Variants in TET3 observed in about 807,000 individuals in gnomAD.
TET3 encodes the protein methylcytosine dioxygenase TET3.
A neutral mutation model predicts 141.4 loss-of-function variants in TET3; 19 were observed. The ratio of observed to expected loss-of-function variants is 0.13; its 90% CI spans 0.09 to 0.20. The LOEUF (loss-of-function observed/expected upper bound fraction) is 0.20, where lower values mean the gene tolerates loss of function less well. Among genes scored for constraint, TET3 ranks in the 10% least tolerant of loss-of-function variants. The probability of loss-of-function intolerance (pLI) is 1.00; values close to 1 mark genes in which losing one functional copy is unlikely to be tolerated. For synonymous variants in TET3, 1,043 were observed against 980.9 expected, an observed-to-expected ratio of 1.06 and a Z score of -1.18; for missense variants, 1,874 against 2,356.9, an observed-to-expected ratio of 0.80 and a Z score of 4.24.
chr2:74,048,098 C>A lies in TET3; in HGVS notation c.2181C>A (p.Pro727=). The A allele has an allele frequency of 6.2e-7, 1 of 1,613,556 alleles. No homozygotes were observed. The highest frequency in any genetic ancestry group is 8.5e-7 in the Non-Finnish European group (1 of 1,179,722). The change falls in exon 4 of 12, where the codon CCC becomes CCA. Residue 727 remains proline, a synonymous_variant. Coordinates refer to ENST00000409262, the MANE Select transcript of TET3 (RefSeq NM_001287491.2). The part of the protein sequence containing the change: ...EFGDSFGLPG[P]PSVPIQDPEN... Reference sequence around the variant, plus strand: ...GAGATAGCTTTGGGCTTCCCGGCCCCCCTTCTGTGCCCATTCAGGACCCCG... The same window carrying A: ...GAGATAGCTTTGGGCTTCCCGGCCCACCTTCTGTGCCCATTCAGGACCCCG...
chr2:73,992,154 A>G (rs1035808725), intron 2 of TET3, among the ~76,000 whole-genome samples: 10 of 152,106 alleles, frequency 6.6e-5, no homozygotes, highest in Non-Finnish European at 1.5e-5. Context: ...CTAGGGATGG[A>G]GAGAGTGGAC....
At chr2:73,990,834 G>A (rs1200532607) in intron 2 of TET3, among the ~76,000 whole-genome samples, 5 of 152,220 alleles carry the variant, frequency 3.3e-5, no homozygotes, top group African/African-American at 1.2e-4. Context: ...TGAAGATGGA[G>A]GCTGTGGAGA....
Position 74,104,923 on chromosome 2 carries a change from T to G in TET3, c.*2747T>G, listed in dbSNP as rs1691417681. ...CGTTTCCAGAGTTAGGCGGTGTGGT[T>G]GCCGTGCTCAAGCCCATGCTGATTT... On this transcript the variant is annotated 3_prime_UTR_variant, in exon 12 of 12. Coordinates refer to ENST00000409262, the MANE Select transcript of TET3 (RefSeq NM_001287491.2). 5.5e-6 allele frequency: 2 copies of G among 363,172 alleles called. No individual in the cohort carries two copies. Among genetic ancestry groups the G allele is most frequent in the Non-Finnish European group, 9.8e-6 (2 of 204,566 alleles). 22.5% of individuals were successfully genotyped at this position (363,172 alleles called of 1,614,324 possible).
intron 5 of TET3, among the ~76,000 whole-genome samples, chr2:74,077,766 T>C (rs73951135): frequency 0.012 from 1,869 of 152,278 alleles, 37 homozygotes; most frequent in African/African-American, 0.042. Flanking sequence ...GGTGGCAGTG[T>C]CCTCAGCTCA....
chr2:74,063,738 A>G (rs955260957), intron 4 of TET3, among the ~76,000 whole-genome samples: 1 of 152,118 alleles, frequency 6.6e-6, no homozygotes, highest in Non-Finnish European at 1.5e-5. Context: ...CATACTAAAC[A>G]TACCATATTG....
intron 4 of TET3, among the ~76,000 whole-genome samples, chr2:74,065,084 CA>C (rs1299084869): frequency 6.6e-6 from 1 of 152,092 alleles, no homozygotes; most frequent in East Asian, 1.9e-4. Flanking sequence ...TCCATCTAAG[CA>C]AGTCTAAAAG....
In TET3 at chr2:74,101,975, G is replaced by T; in HGVS notation, c.5187G>T (p.Arg1729=). Residue 1729 remains arginine, a synonymous_variant, in exon 12 of 12, where the codon CGG becomes CGT. Coordinates refer to ENST00000409262, the MANE Select transcript of TET3 (RefSeq NM_001287491.2). The surrounding 1 kb of genome is among the most constrained non-coding windows in gnomAD (Gnocchi z 8.5). ...GGGCACGGCAGGAGGAGGCTGCCCGGCTGGGCCTGGGCCAGCAGGAGGCCA... is the reference window on the plus strand; with the variant it reads ...GGGCACGGCAGGAGGAGGCTGCCCGTCTGGGCCTGGGCCAGCAGGAGGCCA... The part of the protein sequence containing the change: ...RARARQEEAA[R]LGLGQQEAKL... The T allele has an allele frequency of 6.2e-7, 1 of 1,607,002 alleles. No individual in the cohort carries two copies. The highest frequency in any genetic ancestry group is 8.5e-7 in the Non-Finnish European group (1 of 1,175,332).
intron 5 of TET3, 44 bp downstream of exon 5, chr2:74,073,683 A>G (rs1186639065): frequency 6.7e-7 from 1 of 1,485,380 alleles, no homozygotes; most frequent in East Asian, 2.3e-5. Context: ...ATGTGCTGTT[A>G]ATGGAATACG....
At chr2:74,017,095 A>G (rs1301617858) in intron 3 of TET3, among the ~76,000 whole-genome samples, 2 of 152,134 alleles carry the variant, frequency 1.3e-5, no homozygotes, top group East Asian at 1.9e-4. Context: ...AGACCAGCCT[A>G]TGCAACAAAG....
At chr2:74,091,950 T>C (rs1413503093) in intron 8 of TET3, among the ~76,000 whole-genome samples, 1 of 152,258 alleles carries the variant, frequency 6.6e-6, no homozygotes, top group Non-Finnish European at 1.5e-5. Context: ...GAGCCACGTG[T>C]AGCTGCTGAG....
At chr2:74,088,852 G>T (rs1027850174) in intron 7 of TET3, among the ~76,000 whole-genome samples, 4 of 152,124 alleles carry the variant, frequency 2.6e-5, no homozygotes, top group African/African-American at 7.2e-5. Context: ...AGGCCAAGGC[G>T]GGTGGATCGC....
rs182394491 is a variant in TET3 at position 74,026,804 on chromosome 2, G to A, written c.361-19474G>A. Among the ~76,000 whole-genome samples, 116 of 149,614 alleles carry A rather than the reference G, an allele frequency of 7.8e-4. 1 individual carries two copies. Among genetic ancestry groups the A allele is most frequent in the African/African-American group, 2.8e-3 (110 of 39,290 alleles). ...TTCTAGTTATCTGTGACTCTACCCA[G>A]GGAATCAGCTGGTTTTAAGTCAGTG... On this transcript the variant is annotated intron_variant, in intron 3 of 11. Coordinates refer to ENST00000409262, the MANE Select transcript of TET3 (RefSeq NM_001287491.2).
intron 3 of TET3, among the ~76,000 whole-genome samples, chr2:74,032,521 G>A (rs1686807779): frequency 8.2e-6 from 1 of 121,394 alleles, no homozygotes; most frequent in African/African-American, 3.5e-5. Flanking sequence ...GGGGAGTTGA[G>A]GCCCTTGCTG....
chr2:74,094,410 A>C (rs779927559), intron 10 of TET3, among the ~76,000 whole-genome samples: 25 of 152,302 alleles, frequency 1.6e-4, no homozygotes, highest in Middle Eastern at 3.4e-3. Context: ...ACCAGCTCAC[A>C]GGGAGCCTTG....
chr2:74,070,431 C>A (rs543335594), intron 4 of TET3, among the ~76,000 whole-genome samples: 152 of 152,294 alleles, frequency 1.0e-3, no homozygotes, highest in African/African-American at 3.1e-3. Flanking sequence ...AGTTATCTCT[C>A]ACTGGGTCCC....
At chr2:74,126,572 G>A in the TET3 span, among the ~76,000 whole-genome samples, 2 of 137,486 alleles carry the variant, frequency 1.5e-5, no homozygotes, top group Non-Finnish European at 1.5e-5. Flanking sequence ...GTGCATCTCT[G>A]CTCACTGCAA....
At chr2:74,099,226 G>A in intron 10 of TET3, 50 bp from the exon 11 acceptor site, 1 of 1,496,232 alleles carries the variant, frequency 6.7e-7, no homozygotes, top group Non-Finnish European at 9.0e-7. Context: ...CTCTCTCCCA[G>A]CACTCGGTCC....
intron 4 of TET3, among the ~76,000 whole-genome samples, chr2:74,063,711 A>G (rs1688723816): frequency 6.6e-6 from 1 of 152,166 alleles, no homozygotes; most frequent in Non-Finnish European, 1.5e-5. Flanking sequence ...CGTAAGTTCT[A>G]GAGATCTGCT....
chr2:74,052,497 C>A (rs1183854185), intron 4 of TET3, among the ~76,000 whole-genome samples: 2 of 144,272 alleles, frequency 1.4e-5, no homozygotes, highest in Non-Finnish European at 3.0e-5. Flanking sequence ...ATGAAGCCAT[C>A]TAAGAGCTGA....
Sources: allele counts gnomAD v4.1 joint callset (sites outside exome capture counted in the v4.1 genomes callset), GRCh38; gene constraint gnomAD v4.1.1; non-coding constraint Gnocchi (gnomAD v3.1); transcripts MANE v1.5; gene names NCBI Gene and HGNC (gene_info 2026-07-23, HGNC 2026-07-21).